Variants in SMOC2 observed in about 807,000 individuals in gnomAD.
The protein encoded by SMOC2 is SPARC-related modular calcium-binding protein 2.
Under a neutral mutation model 61.4 loss-of-function variants are expected in SMOC2, and 39 were observed. The ratio of observed to expected loss-of-function variants is 0.64; its 90% CI spans 0.49 to 0.83. The LOEUF (loss-of-function observed/expected upper bound fraction) is 0.83. Among genes scored for constraint, SMOC2 ranks in the 40% least tolerant of loss-of-function variants. SMOC2 has a pLI of 0.00. For missense variants in SMOC2, 556 were observed against 592.9 expected, an observed-to-expected ratio of 0.94 and a Z score of 0.65; for synonymous variants, 247 against 239.9, an observed-to-expected ratio of 1.03 and a Z score of -0.27.
chr6:168,632,183 A>G (rs1050660898), intron 9 of SMOC2, among the ~76,000 whole-genome samples: 16 of 152,216 alleles, frequency 1.1e-4, no homozygotes, highest in African/African-American at 3.9e-4. Flanking sequence ...TGGTTGGTTG[A>G]GTTGGTTAAT....
chr6:168,448,028 GC>G (rs1420769270), intron 1 of SMOC2, among the ~76,000 whole-genome samples: 1 of 152,122 alleles, frequency 6.6e-6, no homozygotes, highest in Non-Finnish European at 1.5e-5. Context: ...GGCTTTCCCT[GC>G]CCAGGTCAGG....
intron 8 of SMOC2, among the ~76,000 whole-genome samples, chr6:168,603,104 G>A (rs2880407): frequency 0.45 from 67,713 of 151,700 alleles, 15,253 homozygotes; most frequent in Admixed American, 0.47. Context: ...GGTTTTATAC[G>A]TGTCTGACAT....
intron 1 of SMOC2, among the ~76,000 whole-genome samples, chr6:168,495,253 G>T (rs977344281): frequency 6.6e-6 from 1 of 152,210 alleles, no homozygotes; most frequent in Admixed American, 6.5e-5. Flanking sequence ...TGTGGCCCAG[G>T]TGTAGGTCCC....
intron 1 of SMOC2, among the ~76,000 whole-genome samples, chr6:168,461,972 C>G (rs1307177194): frequency 6.6e-6 from 1 of 152,222 alleles, no homozygotes; most frequent in Admixed American, 6.5e-5. Context: ...CTGTCACTAA[C>G]ACTTTCTCTC....
At chr6:168,613,027 GC>G (rs1785924484) in intron 9 of SMOC2, among the ~76,000 whole-genome samples, 1 of 152,162 alleles carries the variant, frequency 6.6e-6, no homozygotes, top group South Asian at 2.1e-4. Context: ...CGGTTTTCCG[GC>G]TGACTCTCAT....
chr6:168,479,840 C>T (rs996751404), intron 1 of SMOC2, among the ~76,000 whole-genome samples: 5 of 152,214 alleles, frequency 3.3e-5, no homozygotes, highest in Admixed American at 3.3e-4. Flanking sequence ...CCTCCACCAG[C>T]AGAAGTGACT....
At chr6:168,527,574 G>C (rs1783483900) in intron 3 of SMOC2, 54 bp from the exon 4 acceptor site, 2 of 1,328,078 alleles carry the variant, frequency 1.5e-6, no homozygotes, top group Non-Finnish European at 2.1e-6. Context: ...TCGCAGCCGT[G>C]AGGCGCTGCG....
intron 4 of SMOC2, among the ~76,000 whole-genome samples, chr6:168,530,882 A>T (rs185290251): frequency 6.6e-6 from 1 of 152,194 alleles, no homozygotes; most frequent in Non-Finnish European, 1.5e-5. Context: ...CAGTGTTCAC[A>T]TGAGAACCAA....
At chr6:168,461,765 C>A (rs543556037) in intron 1 of SMOC2, among the ~76,000 whole-genome samples, 1 of 152,204 alleles carries the variant, frequency 6.6e-6, no homozygotes. Flanking sequence ...ATGAGGCAGC[C>A]GTGCTAGAAA....
chr6:168,504,431 G>C (rs1160489791), intron 1 of SMOC2, among the ~76,000 whole-genome samples: 1 of 150,072 alleles, frequency 6.7e-6, no homozygotes, highest in African/African-American at 2.5e-5. Flanking sequence ...AGATCATCAG[G>C]CATTAGATTC....
chr6:168,603,333 TA>T (rs1344657334), intron 8 of SMOC2, among the ~76,000 whole-genome samples: 6 of 145,684 alleles, frequency 4.1e-5, no homozygotes, highest in Non-Finnish European at 7.4e-5. Context: ...GGGGGTGTCA[TA>T]GGGGTGGGGC....
At chr6:168,448,031 C>T (rs1161565176) in intron 1 of SMOC2, among the ~76,000 whole-genome samples, 1 of 152,088 alleles carries the variant, frequency 6.6e-6, no homozygotes, top group Admixed American at 6.6e-5. Flanking sequence ...TTTCCCTGCC[C>T]AGGTCAGGGT....
intron 9 of SMOC2, among the ~76,000 whole-genome samples, chr6:168,632,030 C>T (rs1786583812): frequency 6.6e-6 from 1 of 152,206 alleles, no homozygotes; most frequent in Non-Finnish European, 1.5e-5. Context: ...AGTCATCACA[C>T]GTGAGCTCCG....
At chr6:168,599,232 T>G (rs1785427873) in intron 8 of SMOC2, among the ~76,000 whole-genome samples, 1 of 78,466 alleles carries the variant, frequency 1.3e-5, no homozygotes, top group African/African-American at 4.5e-5. Context: ...ACCCATGGTC[T>G]CTCTCACACA....
At chr6:168,596,700 G>T (rs1437548511) in intron 7 of SMOC2, among the ~76,000 whole-genome samples, 1 of 152,250 alleles carries the variant, frequency 6.6e-6, no homozygotes, top group African/African-American at 2.4e-5. Flanking sequence ...TTTCTTCCAT[G>T]ACCTAAAGTA....
rs566568977 is a variant in SMOC2, at chr6:168,581,590, A to G, written c.638-17228A>G. Among the ~76,000 whole-genome samples the G allele has an allele frequency of 7.2e-5, 11 of 152,342 alleles. 1 individual carries two copies. In the South Asian group the frequency reaches 2.1e-3, roughly 29 times the overall value. On this transcript the variant is annotated intron_variant, in intron 7 of 12. Transcript: ENST00000356284. ...GCAATGCAATCATTGCACAGTTATT[A>G]ACAGATGAATATCAATCATTACCTA...
At chr6:168,548,682 G>A (rs1362332038) in intron 6 of SMOC2, among the ~76,000 whole-genome samples, 2 of 152,068 alleles carry the variant, frequency 1.3e-5, no homozygotes, top group Non-Finnish European at 2.9e-5. Context: ...AATTTTATTT[G>A]TTAAACAAGA....
intron 1 of SMOC2, among the ~76,000 whole-genome samples, chr6:168,470,369 A>C (rs1312213267): frequency 6.6e-6 from 1 of 152,152 alleles, no homozygotes; most frequent in African/African-American, 2.4e-5. Context: ...TCCTTAAAAA[A>C]CCCAATTTTT....
At chr6:168,479,629 G>A (rs1158881181) in intron 1 of SMOC2, among the ~76,000 whole-genome samples, 1 of 152,320 alleles carries the variant, frequency 6.6e-6, no homozygotes, top group Non-Finnish European at 1.5e-5. Context: ...CCCCAACCTT[G>A]CGGTGAAAGC....
Sources: allele counts gnomAD v4.1 joint callset (sites outside exome capture counted in the v4.1 genomes callset), GRCh38; gene constraint gnomAD v4.1.1; transcripts MANE v1.5; gene names NCBI Gene and HGNC (gene_info 2026-07-23, HGNC 2026-07-21).